HNMT: variants seen among roughly 807,000 people sequenced by gnomAD.
The protein encoded by HNMT is histamine N-methyltransferase.
In HNMT, 30 loss-of-function variants were observed where a neutral mutation model predicts 32.1. The ratio of observed to expected loss-of-function variants is 0.93; its 90% CI spans 0.70 to 1.27. HNMT has a LOEUF of 1.27. Among genes scored for constraint, HNMT ranks in the 50% most tolerant of loss-of-function variants. The pLI is 0.00. For synonymous variants in HNMT, 125 were observed against 119.0 expected (o/e 1.05, Z -0.33); for missense variants, 327 against 346.0 (o/e 0.95, Z 0.43).
chr2:138,015,990 G>C lies in HNMT; in HGVS notation c.*1860G>C, dbSNP rs1262356674. ...AAACACATAAGCCTTTTTAAAGAGA[G>C]AAATTCCCATGAAAACCTACTAGTC... On this transcript the variant is annotated 3_prime_UTR_variant, in exon 6 of 6. Coordinates refer to ENST00000280097, the MANE Select transcript of HNMT (RefSeq NM_006895.3). The C allele has an allele frequency of 6.6e-6, 1 of 152,020 alleles. No individual in the cohort carries two copies. The highest frequency in any genetic ancestry group is 1.9e-4 in the East Asian group (1 of 5,182). 9.4% of individuals were successfully genotyped at this position (152,020 alleles called of 1,614,324 possible).
In HNMT at chr2:137,971,117, C is replaced by T. The variant is rs116042686; in HGVS notation, c.190+900C>T. On this transcript the variant is annotated intron_variant, in intron 2 of 5. Transcript: ENST00000280097. ...GAGTGGCATGGGCCTAATCTGTTCC[C>T]TTCCTCTTACTCAGTTCCAAAACTG... 5.1e-3 allele frequency among the ~76,000 whole-genome samples: 774 copies of T among 152,026 alleles called. 8 individuals are homozygous for T. Among genetic ancestry groups the T allele is most frequent in the African/African-American group, 0.017 (720 of 41,480 alleles).
rs535855860 is a variant in HNMT at position 137,977,388 on chromosome 2, C to T, written c.190+7171C>T. ...AACTTTGCAATTTAATATACACAGT[C>T]ATGCAACTCTGGTGTAGGTGACTTG... On this transcript the variant is annotated intron_variant, in intron 2 of 5. Coordinates refer to ENST00000280097, the MANE Select transcript of HNMT (RefSeq NM_006895.3). 4.6e-5 allele frequency among the ~76,000 whole-genome samples: 7 copies of T among 152,174 alleles called. No homozygotes were observed. In the East Asian group the frequency reaches 9.7e-4, roughly 21 times the overall value.
intron 2 of HNMT, among the ~76,000 whole-genome samples, chr2:137,991,375 A>G (rs145339098): frequency 1.3e-3 from 203 of 152,372 alleles, no homozygotes; most frequent in African/African-American, 4.6e-3. Context: ...AGTGAGGCCT[A>G]TCTGTTCAGA....
At chr2:137,986,258 A>T (rs1680649224) in intron 2 of HNMT, among the ~76,000 whole-genome samples, 1 of 150,156 alleles carries the variant, frequency 6.7e-6, no homozygotes, top group Non-Finnish European at 1.5e-5. Context: ...TATAATATAA[A>T]TACAATTTAT....
In HNMT at chr2:138,013,766, A is replaced by G. The variant is rs1401016010; in HGVS notation, c.524-9A>G. 1 of 1,602,826 alleles carries G rather than the reference A, an allele frequency of 6.2e-7. No individual in the cohort carries two copies. The highest frequency in any genetic ancestry group is 8.5e-7 in the Non-Finnish European group (1 of 1,171,638). On this transcript the variant is annotated splice_polypyrimidine_tract_variant and intron_variant, in intron 5 of 5. Transcript: ENST00000280097. ...TAAATGAAAGCATGACTTGTGTTTTATTGCACAGGAAGCAGTGGCTGGGAC... is the reference window on the plus strand; with the variant it reads ...TAAATGAAAGCATGACTTGTGTTTTGTTGCACAGGAAGCAGTGGCTGGGAC...
At chr2:137,988,322 C>T (rs1473115708) in intron 2 of HNMT, among the ~76,000 whole-genome samples, 1 of 152,020 alleles carries the variant, frequency 6.6e-6, no homozygotes, top group African/African-American at 2.4e-5. Context: ...TTGCAGTATT[C>T]CAAATGTGAA....
chr2:138,005,299 G>T, intron 5 of HNMT, 74 bp downstream of exon 5: 1 of 839,262 alleles, frequency 1.2e-6, no homozygotes, highest in Non-Finnish European at 2.0e-6. Flanking sequence ...GTGTTTGAAA[G>T]AAGCTTATAT....
At chr2:138,003,300 T>A (rs999533553) in intron 4 of HNMT, among the ~76,000 whole-genome samples, 2 of 152,064 alleles carry the variant, frequency 1.3e-5, no homozygotes, top group African/African-American at 2.4e-5. Context: ...TTTCCAGAGA[T>A]AACTAACATT....
chr2:137,971,718 G>A (rs188332221), intron 2 of HNMT, among the ~76,000 whole-genome samples: 84 of 152,286 alleles, frequency 5.5e-4, no homozygotes, highest in African/African-American at 2.0e-3. Flanking sequence ...ATTGCTCCTG[G>A]AGAGTGAAGG....
At chr2:137,977,033 A>G (rs1389653947) in intron 2 of HNMT, among the ~76,000 whole-genome samples, 1 of 152,234 alleles carries the variant, frequency 6.6e-6, no homozygotes, top group East Asian at 1.9e-4. Flanking sequence ...GGACAAAACT[A>G]TCATTGCAGA....
At chr2:137,983,693 G>C (rs1470912919) in intron 2 of HNMT, among the ~76,000 whole-genome samples, 2 of 152,172 alleles carry the variant, frequency 1.3e-5, no homozygotes, top group East Asian at 1.9e-4. Context: ...CAGGACAAAG[G>C]AAAATTATTT....
intron 2 of HNMT, among the ~76,000 whole-genome samples, chr2:137,980,355 T>A (rs1307069477): frequency 6.6e-6 from 1 of 152,180 alleles, no homozygotes; most frequent in East Asian, 1.9e-4. Context: ...GTTTTATACC[T>A]GTGCAAATAT....
chr2:137,986,562 T>C (rs985821850), intron 2 of HNMT, among the ~76,000 whole-genome samples: 6 of 152,104 alleles, frequency 3.9e-5, no homozygotes, highest in Admixed American at 6.6e-5. Context: ...AACATTAATC[T>C]CATCCAAAAA....
chr2:137,980,212 AT>A (rs1288526230), intron 2 of HNMT, among the ~76,000 whole-genome samples: 3 of 151,688 alleles, frequency 2.0e-5, no homozygotes, highest in Admixed American at 2.0e-4. Context: ...ATTTTTAAAT[AT>A]TTTTTAGTAG....
chr2:137,983,164 C>T lies in HNMT; in HGVS notation c.190+12947C>T, dbSNP rs1423828767. Among the ~76,000 whole-genome samples, 3 of 152,122 alleles carry T rather than the reference C, an allele frequency of 2.0e-5. No individual in the cohort carries two copies. The East Asian group carries it at 5.8e-4, about 29-fold the overall frequency. ...CTAAAGTAGTCCAAAGTAAGTGACC[C>T]AAAACCAGGAAGACAGTTAACAGTA... On this transcript the variant is annotated intron_variant, in intron 2 of 5. Coordinates refer to ENST00000280097, the MANE Select transcript of HNMT (RefSeq NM_006895.3).
intron 5 of HNMT, among the ~76,000 whole-genome samples, chr2:138,013,521 C>A (rs529869206): frequency 1.3e-5 from 2 of 152,100 alleles, no homozygotes; most frequent in Non-Finnish European, 2.9e-5. Flanking sequence ...ACAGACTCTG[C>A]GACCACCCTA....
chr2:138,008,812 C>T (rs1236916444), intron 5 of HNMT, among the ~76,000 whole-genome samples: 1 of 151,892 alleles, frequency 6.6e-6, no homozygotes, highest in Admixed American at 6.6e-5. Context: ...CTATAAAAAC[C>T]TGGAAGACAA....
At chr2:137,970,588 C>T (rs1425658169) in intron 2 of HNMT, among the ~76,000 whole-genome samples, 1 of 152,140 alleles carries the variant, frequency 6.6e-6, no homozygotes, top group Admixed American at 6.5e-5. Context: ...GGACTGGTTA[C>T]TGTTTTCAAA....
rs376637529 is a variant in HNMT, at chr2:137,980,369, AAGAGCAATCCC to A, written c.190+10155_190+10165del. ...AGTTTTATACCTGTGCAAATATTTAAAGAGCAATCCCAGCTATGTTGTAGATTAGCAGAGCT... is the reference window on the plus strand; with the variant it reads ...AGTTTTATACCTGTGCAAATATTTAAAGCTATGTTGTAGATTAGCAGAGCT... On this transcript the variant is annotated intron_variant, in intron 2 of 5. Transcript: ENST00000280097. 2.4e-4 allele frequency among the ~76,000 whole-genome samples: 36 copies of A among 152,258 alleles called. No homozygotes were observed. The East Asian group carries it at 6.4e-3, about 27-fold the overall frequency.
Sources: gnomAD v4.1 joint callset for allele counts (sites outside exome capture counted in the v4.1 genomes callset) on GRCh38, gnomAD v4.1.1 for gene constraint, MANE v1.5 for transcripts, NCBI Gene and HGNC (gene_info 2026-07-23, HGNC 2026-07-21) for gene names.